The following GP2 variants were observed in gnomAD, a reference collection of about 807,000 sequenced individuals.
GP2 encodes glycoprotein 2.
A neutral mutation model predicts 60.8 loss-of-function variants in GP2; 58 were observed. That is an observed-to-expected ratio of 0.95 (90% CI 0.77 to 1.19). The LOEUF (loss-of-function observed/expected upper bound fraction) is 1.19. GP2 is among the 50% of genes most tolerant of loss of function. The probability of loss-of-function intolerance (pLI) is 0.00; values close to 1 mark genes in which losing one functional copy is unlikely to be tolerated. For missense variants in GP2, 647 were observed against 667.4 expected (o/e 0.97, Z 0.34); for synonymous variants, 280 against 253.4 (o/e 1.10, Z -1.00).
chr16:20,311,079 G>A lies in GP2; in HGVS notation c.*144C>T. The A allele has an allele frequency of 3.4e-6, 2 of 595,576 alleles. No individual in the cohort carries two copies. The highest frequency in any genetic ancestry group is 4.0e-5 in the South Asian group (2 of 50,536). 36.9% of individuals were successfully genotyped at this position (595,576 alleles called of 1,614,324 possible). On this transcript the variant is annotated 3_prime_UTR_variant, in exon 11 of 11. Transcript: ENST00000302555. The stretch of plus-strand genomic sequence containing the variant: ...GCCGAGAGTTTTAAAGAAGGTGAAA[G>A]CTCTTCCCTTTTCCTAACCTAGCTT...
At chr16:20,317,443 C>A (rs1259398670) in intron 7 of GP2, 68 bp from the exon 8 acceptor site, 2 of 1,213,888 alleles carry the variant, frequency 1.6e-6, no homozygotes, top group Non-Finnish European at 2.4e-6. Flanking sequence ...AAGAGTCCCT[C>A]GGGTTCCCTC....
At chr16:20,327,081 T>G (rs1964555228) in intron 1 of GP2, among the ~76,000 whole-genome samples, 1 of 152,226 alleles carries the variant, frequency 6.6e-6, no homozygotes, top group Non-Finnish European at 1.5e-5. Flanking sequence ...TTTGGATAAC[T>G]TCCTACAACC....
intron 2 of GP2, 173 bp downstream of exon 2, chr16:20,326,165 T>C (rs982121503): frequency 4.9e-6 from 3 of 607,908 alleles, no homozygotes; most frequent in Non-Finnish European, 5.8e-6. Context: ...CTTTGAGAGA[T>C]TGTGACTTGA....
At chr16:20,321,170 C>T (rs569744254) in intron 4 of GP2, among the ~76,000 whole-genome samples, 46 of 152,140 alleles carry the variant, frequency 3.0e-4, no homozygotes, top group Admixed American at 2.0e-3. Context: ...CCTGCCTCAG[C>T]CTCCCAAGGC....
intron 3 of GP2, among the ~76,000 whole-genome samples, 176 bp from the exon 4 acceptor site, chr16:20,323,155 G>A (rs1017966981): frequency 1.3e-5 from 2 of 152,210 alleles, no homozygotes; most frequent in African/African-American, 4.8e-5. Flanking sequence ...GAGCCCTAAA[G>A]CTGCCACCTG....
rs763384439 is a variant in GP2 at position 20,324,157 on chromosome 16, T to C, written c.194A>G (p.Asn65Ser). The change falls in exon 3 of 11, where the codon AAT (asparagine) becomes AGT (serine). Residue 65 changes from asparagine to serine, a missense_variant. Coordinates refer to ENST00000302555, the MANE Select transcript of GP2 (RefSeq NM_001502.4). ...EAHVCFDPCQ[N>S]YTLLDEPFRS... ...GAAGGGTTCATCCAGGAGGGTGTAA[T>C]TCTGACAGGGGTCAAAACAGACATG... 1.2e-6 allele frequency: 2 copies of C among 1,614,046 alleles called. No homozygotes were observed. Among genetic ancestry groups the C allele is most frequent in the Non-Finnish European group, 1.7e-6 (2 of 1,179,918 alleles).
chr16:20,325,241 A>ACACCTGTTCACAG (rs1964500194), intron 2 of GP2, among the ~76,000 whole-genome samples: 1 of 152,216 alleles, frequency 6.6e-6, no homozygotes, highest in Admixed American at 6.5e-5. Flanking sequence ...CCTGTGAACC[A>ACACCTGTTCACAG]GTGGTTCTCA....
chr16:20,322,967 A>G lies in GP2; in HGVS notation c.548T>C (p.Val183Ala), dbSNP rs766656464. 6.2e-7 allele frequency: 1 copy of G among 1,601,724 alleles called. No homozygotes were observed. Among genetic ancestry groups the G allele is most frequent in the South Asian group, 1.1e-5 (1 of 90,784 alleles). Residue 183 changes from valine (V) to alanine (A), a missense_variant, in exon 4 of 11, where the codon GTG (valine) becomes GCG (alanine). Physicochemically the swap from Val to Ala is moderately conservative, Grantham distance 64 (BLOSUM62 0). Transcript: ENST00000302555. ...NLRYCTDPST[V>A]EDKCEKACRP... ...GCAGGCCTTCTCACACTTGTCCTCC[A>G]CAGTGGATGGGTCTAGGTGATGGGG...
rs190018519 is a variant in GP2 at position 20,311,477 on chromosome 16, C to T, written c.1547-196G>A. ...ACCATTTTTTTCATTTTCCTCTGGA[C>T]ACACAGGAATGCAATTTTTCCCAGT... On this transcript the variant is annotated intron_variant, in intron 10 of 10. Transcript: ENST00000302555. 2.3e-4 allele frequency among the ~76,000 whole-genome samples: 35 copies of T among 152,300 alleles called. No homozygotes were observed. In the Middle Eastern group the frequency reaches 0.017, roughly 75 times the overall value.
Position 20,322,948 on chromosome 16 carries a change from C to T in GP2, c.567G>A (p.Lys189=), listed in dbSNP as rs1449405409. 2 of 1,611,788 alleles carry T rather than the reference C, an allele frequency of 1.2e-6. No homozygotes were observed. The highest frequency in any genetic ancestry group is 1.3e-5 in the African/African-American group (1 of 74,998). ...DPSTVEDKCE[K]ACRPEEECLA... ...GGCACTCCTCCTCGGGGCGGCAGGC[C>T]TTCTCACACTTGTCCTCCACAGTGG... The change falls in exon 4 of 11, where the codon AAG becomes AAA. Residue 189 remains lysine (K), a synonymous_variant. Coordinates refer to ENST00000302555, the MANE Select transcript of GP2 (RefSeq NM_001502.4).
In GP2 at chr16:20,319,680, T is replaced by C. The variant is rs777649957; in HGVS notation, c.947A>G (p.Gln316Arg). Residue 316 changes from glutamine (Q) to arginine (R), a missense_variant, in exon 6 of 11, where the codon CAA becomes CGA. Coordinates refer to ENST00000302555, the MANE Select transcript of GP2 (RefSeq NM_001502.4). Reference sequence around the variant, plus strand: ...TTTCATGTCCAGTGGGTAGGCACATTGGAAGTTGATGTTGAGGATGGTGTC... The same window carrying C: ...TTTCATGTCCAGTGGGTAGGCACATCGGAAGTTGATGTTGAGGATGGTGTC... ...IRDTILNINF[Q>R]CAYPLDMKVS... 36 of 1,609,958 alleles carry C rather than the reference T, an allele frequency of 2.2e-5. No individual in the cohort carries two copies. The highest frequency in any genetic ancestry group is 5.3e-5 in the African/African-American group (4 of 74,840).
Position 20,322,891 on chromosome 16 carries a change from G to T in GP2, c.624C>A (p.Cys208Ter). Residue 208 changes from cysteine (C) to a stop codon, truncating the protein, a stop_gained, in exon 4 of 11, where the codon TGC (cysteine) becomes TGA (stop). Transcript: ENST00000302555. LOFTEE classifies it high-confidence loss of function. ...CACCAGAACTATTGAGGTCCTGTCT[G>T]CAGAAACAGCCCCAGGTGCTGTTGA... is the stretch of plus-strand genomic sequence containing the variant. ...LALNSTWGCF[C>*]RQDLNSSDVH... 1 of 1,605,280 alleles carries T rather than the reference G, an allele frequency of 6.2e-7. No homozygotes were observed. Among genetic ancestry groups the T allele is most frequent in the Non-Finnish European group, 8.5e-7 (1 of 1,171,946 alleles).
At chr16:20,320,901 T>A (rs1014341742) in intron 4 of GP2, among the ~76,000 whole-genome samples, 29 of 152,158 alleles carry the variant, frequency 1.9e-4, no homozygotes, top group African/African-American at 6.8e-4. Context: ...ACAACACTTA[T>A]CAAAACTGAA....
rs536835232 is a variant in GP2 at position 20,309,709 on chromosome 16, A to T, written c.*1514T>A. 6.6e-6 allele frequency: 1 copy of T among 151,720 alleles called. No homozygotes were observed. The highest frequency in any genetic ancestry group is 1.5e-5 in the Non-Finnish European group (1 of 68,032). The allele number at this position is 151,720 out of a possible 1,614,324, so 9.4% of individuals were successfully genotyped here. A position where few individuals can be genotyped will look rare whatever the true frequency, so the allele number is the denominator to read the frequency against. ...TATGTGGCTTCAGAAAGAGGAACAG[A>T]AGGCAAGACAAACTTTGGTTTCTTT... is the stretch of plus-strand genomic sequence containing the variant. On this transcript the variant is annotated 3_prime_UTR_variant, in exon 11 of 11. Transcript: ENST00000302555.
rs1276580599 is a variant in GP2, at chr16:20,322,785, A to G, written c.646+84T>C. On this transcript the variant is annotated intron_variant, in intron 4 of 10. Coordinates refer to ENST00000302555, the MANE Select transcript of GP2 (RefSeq NM_001502.4). ...AGGTCCATGCCCCTGACTCTGCTTT[A>G]TACCTTATCTTGACCCTCTAAAGCT... 1.6e-5 allele frequency: 12 copies of G among 753,196 alleles called. No individual in the cohort carries two copies. The East Asian group carries it at 3.0e-4, about 19-fold the overall frequency. The allele number at this position is 753,196 out of a possible 1,614,324, so 46.7% of individuals were successfully genotyped here. A position where few individuals can be genotyped will look rare whatever the true frequency, so the allele number is the denominator to read the frequency against.
intron 3 of GP2, 41 bp from the exon 4 acceptor site, chr16:20,323,020 G>T: frequency 8.3e-7 from 1 of 1,202,292 alleles, no homozygotes; most frequent in Non-Finnish European, 1.2e-6. Flanking sequence ...AGGATGCAGT[G>T]CGGGCTGGAC....
intron 3 of GP2, among the ~76,000 whole-genome samples, chr16:20,323,218 A>G (rs1964420503): frequency 6.6e-6 from 1 of 152,196 alleles, no homozygotes; most frequent in African/African-American, 2.4e-5. Flanking sequence ...GTATTAGCCT[A>G]TTCAATCAAA....
At position 20,323,852 on chromosome 16, in the gene GP2, C is replaced by T. The variant is rs764673264; in HGVS notation, c.499G>A (p.Glu167Lys). ...CPGGYHVYRL[E>K]GTPWCNLRYC... ...CTCAGATTACACCAGGGAGTGCCTT[C>T]CAACCGGTACACATGGTACCCGCCT... The change falls in exon 3 of 11, where the codon GAA (glutamate) becomes AAA (lysine). Residue 167 changes from glutamate to lysine, a missense_variant. Coordinates refer to ENST00000302555, the MANE Select transcript of GP2 (RefSeq NM_001502.4). The T allele has an allele frequency of 6.2e-7, 1 of 1,613,652 alleles. No individual in the cohort carries two copies. Among genetic ancestry groups the T allele is most frequent in the African/African-American group, 1.3e-5 (1 of 74,932 alleles).
chr16:20,314,774 C>T lies in GP2; in HGVS notation c.1502-73G>A, dbSNP rs1964107144. 16 of 1,030,050 alleles carry T rather than the reference C, an allele frequency of 1.6e-5. 1 individual carries two copies. The highest frequency in any genetic ancestry group is 2.2e-4 in the Middle Eastern group (1 of 4,446). The allele number at this position is 1,030,050 out of a possible 1,614,324, so 63.8% of individuals were successfully genotyped here. On this transcript the variant is annotated intron_variant, in intron 9 of 10. Coordinates refer to ENST00000302555, the MANE Select transcript of GP2 (RefSeq NM_001502.4). Reference sequence around the variant, plus strand: ...GACTGCAACACTGTGGCCATAACTGCTTCACATCCTCCTAGACCTGGCCAT... The same window carrying T: ...GACTGCAACACTGTGGCCATAACTGTTTCACATCCTCCTAGACCTGGCCAT...
Sources: gnomAD v4.1 joint callset for allele counts (sites outside exome capture counted in the v4.1 genomes callset) on GRCh38, gnomAD v4.1.1 for gene constraint, MANE v1.5 for transcripts, NCBI Gene and HGNC (gene_info 2026-07-23, HGNC 2026-07-21) for gene names.